ELP1: variants seen among roughly 807,000 people sequenced by gnomAD.
ELP1 encodes the protein elongator complex protein 1.
Under a neutral mutation model 183.2 loss-of-function variants are expected in ELP1, and 131 were observed. The observed-to-expected ratio is 0.72, with a 90% CI of 0.62 to 0.83. ELP1 has a LOEUF of 0.83. Among genes scored for constraint, ELP1 ranks in the 40% least tolerant of loss-of-function variants. The pLI, the probability that ELP1 is intolerant of heterozygous loss-of-function variation, is 0.00. For missense variants in ELP1, 1,550 were observed against 1,594.9 expected (o/e 0.97, Z 0.48); for synonymous variants, 555 against 569.0 (o/e 0.98, Z 0.35).
At chr9:108,928,224 C>T (rs989866040) in intron 3 of ELP1, among the ~76,000 whole-genome samples, 1 of 152,124 alleles carries the variant, frequency 6.6e-6, no homozygotes, top group Admixed American at 6.5e-5. Flanking sequence ...ACTCAACAAA[C>T]ATTTCTTCAG....
intron 18 of ELP1, 22 bp from the exon 19 acceptor site, chr9:108,900,397 A>C (rs1388806029): frequency 1.9e-6 from 3 of 1,546,252 alleles, no homozygotes; most frequent in Non-Finnish European, 2.7e-6. Flanking sequence ...ATTAACTAAT[A>C]AGCCTTAATT....
intron 2 of ELP1, among the ~76,000 whole-genome samples, chr9:108,930,641 C>T (rs1462146759): frequency 1.5e-5 from 2 of 134,162 alleles, no homozygotes; most frequent in African/African-American, 5.5e-5. Context: ...CAGTGAGCCA[C>T]GATCACACCA....
chr9:108,868,925 A>G lies in ELP1; in HGVS notation c.*190T>C. 3.1e-6 allele frequency: 2 copies of G among 643,176 alleles called. No homozygotes were observed. The highest frequency in any genetic ancestry group is 5.6e-6 in the Non-Finnish European group (2 of 355,768). 39.8% of individuals were successfully genotyped at this position (643,176 alleles called of 1,614,324 possible). ...AAAGCTTAATGTCTTGCTAATGATCAAGATGTATACACAACATAAAATAAA... is the reference window on the plus strand; with the variant it reads ...AAAGCTTAATGTCTTGCTAATGATCGAGATGTATACACAACATAAAATAAA... On this transcript the variant is annotated 3_prime_UTR_variant, in exon 37 of 37. Coordinates refer to ENST00000374647, the MANE Select transcript of ELP1 (RefSeq NM_003640.5).
chr9:108,874,287 T>TA (rs35351035), intron 36 of ELP1, among the ~76,000 whole-genome samples: 26,974 of 152,138 alleles, frequency 0.18, 3,052 homozygotes, highest in African/African-American at 0.32. Context: ...ACTCATCAAA[T>TA]GTTTCTAACC....
At position 108,927,534 on chromosome 9, in the gene ELP1, T is replaced by TA. The variant is rs879224397; in HGVS notation, c.304-82dup. The TA allele has an allele frequency of 2.6e-4, 295 of 1,115,688 alleles. 4 individuals carry two copies. The South Asian group carries it at 3.5e-3, about 13-fold the overall frequency. The allele number at this position is 1,115,688 out of a possible 1,614,324, so 69.1% of individuals were successfully genotyped here. On this transcript the variant is annotated intron_variant, in intron 3 of 36. Transcript: ENST00000374647. ...TGACTGCAACTTCAATCAAAACAAT[T>TA]AAAAAAACAAAACGAAAAGACATCA...
In ELP1 at chr9:108,867,807, C is replaced by T. The variant is rs913950140; in HGVS notation, c.*1308G>A. 2.0e-5 allele frequency: 3 copies of T among 152,212 alleles called. No individual in the cohort carries two copies. Among genetic ancestry groups the T allele is most frequent in the African/African-American group, 7.2e-5 (3 of 41,454 alleles). The allele number at this position is 152,212 out of a possible 1,614,324, so 9.4% of individuals were successfully genotyped here. On this transcript the variant is annotated 3_prime_UTR_variant, in exon 37 of 37. Transcript: ENST00000374647. Reference sequence around the variant, plus strand: ...AAACATACAGAAAAGTTGAATTTTACAGTGAATACTCCTAGATTGATTCTA... The same window carrying T: ...AAACATACAGAAAAGTTGAATTTTATAGTGAATACTCCTAGATTGATTCTA...
intron 5 of ELP1, among the ~76,000 whole-genome samples, chr9:108,925,910 A>G (rs530424117): frequency 1.3e-5 from 2 of 152,346 alleles, no homozygotes; most frequent in South Asian, 2.1e-4. Flanking sequence ...AGTTGTCTAA[A>G]TGATTTCTCA....
At position 108,929,924 on chromosome 9, in the gene ELP1, T is replaced by G. The variant is rs780224115; in HGVS notation, c.151-3A>C. ...ACCAAAGAAACTTCATTTTTCACCT[T>G]TCACCAAAGTAAACACAAGCAAATT... is the stretch of plus-strand genomic sequence containing the variant. On this transcript the variant is annotated splice_region_variant and splice_polypyrimidine_tract_variant and intron_variant, in intron 2 of 36. Transcript: ENST00000374647. 1.2e-5 allele frequency: 19 copies of G among 1,613,428 alleles called. No individual in the cohort carries two copies. Among genetic ancestry groups the G allele is most frequent in the Middle Eastern group, 3.6e-4 (2 of 5,520 alleles).
intron 28 of ELP1, among the ~76,000 whole-genome samples, chr9:108,890,344 C>T (rs191438910): frequency 8.5e-5 from 13 of 152,208 alleles, no homozygotes; most frequent in African/African-American, 2.9e-4. Context: ...AAAAAGAATA[C>T]TGCAAATGAC....
In ELP1 at chr9:108,917,646, A is replaced by G; in HGVS notation, c.765T>C (p.Ser255=). 4 of 1,613,922 alleles carry G rather than the reference A, an allele frequency of 2.5e-6. No individual in the cohort carries two copies. Reference sequence around the variant, plus strand: ...CCTGCTGGTTGGGTTTATCTTGTGTAGATGCAATCAAACTGCCTGAGGGTC... The same window carrying G: ...CCTGCTGGTTGGGTTTATCTTGTGTGGATGCAATCAAACTGCCTGAGGGTC... ...AWKPSGSLIA[S]TQDKPNQQDI... is the part of the protein sequence containing the mutation. Residue 255 remains serine, a synonymous_variant, in exon 9 of 37, where the codon TCT becomes TCC. Transcript: ENST00000374647.
In ELP1 at chr9:108,899,874, C is replaced by T. The variant is rs773965863; in HGVS notation, c.2152G>A (p.Val718Ile). 1.2e-6 allele frequency: 2 copies of T among 1,614,092 alleles called. No individual in the cohort carries two copies. Among genetic ancestry groups the T allele is most frequent in the East Asian group, 4.5e-5 (2 of 44,870 alleles). ...AAAACCAGGGCTCGATGATGAACAA[C>T]TTCTAAGTTTCCCCTTGGCATCTTA... ...VLQMPRGNLE[V>I]VHHRALVLAQ... Residue 718 changes from valine (V) to isoleucine (I), a missense_variant, in exon 20 of 37, where the codon GTT becomes ATT. Transcript: ENST00000374647.
At position 108,898,714 on chromosome 9, in the gene ELP1, T is replaced by A. The variant is rs777480840; in HGVS notation, c.2240A>T (p.Lys747Met). The A allele has an allele frequency of 6.2e-7, 1 of 1,612,908 alleles. No individual in the cohort carries two copies. The highest frequency in any genetic ancestry group is 8.5e-7 in the Non-Finnish European group (1 of 1,179,364). The change falls in exon 21 of 37, where the codon AAG becomes ATG. Residue 747 changes from lysine (K) to methionine (M), a missense_variant. Coordinates refer to ENST00000374647, the MANE Select transcript of ELP1 (RefSeq NM_003640.5). ...AATCAGATTGAGATTGATTCTCAGC[T>A]TTCTCATGCATTCAAATGCCTCTTT... ...MFKEAFECMRKLRINLNLIYD... is the reference protein window; with the variant it reads ...MFKEAFECMRMLRINLNLIYD...
At chr9:108,924,110 G>A (rs1424268176) in intron 5 of ELP1, among the ~76,000 whole-genome samples, 1 of 152,216 alleles carries the variant, frequency 6.6e-6, no homozygotes, top group African/African-American at 2.4e-5. Context: ...ACCAAGGAAT[G>A]AAGAAAGAGA....
intron 12 of ELP1, 145 bp downstream of exon 12, chr9:108,910,865 A>C: frequency 1.5e-6 from 1 of 683,748 alleles, no homozygotes; most frequent in Non-Finnish European, 2.6e-6. Context: ...AGGCAATTAA[A>C]TATCATAATG....
At chr9:108,905,364 G>T (rs937602104) in intron 14 of ELP1, among the ~76,000 whole-genome samples, 1 of 152,154 alleles carries the variant, frequency 6.6e-6, no homozygotes, top group African/African-American at 2.4e-5. Flanking sequence ...TCTGGGAACT[G>T]GCTAGAAAAT....
In ELP1 at chr9:108,912,266, C is replaced by G. The variant is rs1414061926; in HGVS notation, c.1187G>C (p.Gly396Ala). 1.2e-6 allele frequency: 2 copies of G among 1,613,378 alleles called. No individual in the cohort carries two copies. Among genetic ancestry groups the G allele is most frequent in the Admixed American group, 1.7e-5 (1 of 60,024 alleles). The change falls in exon 11 of 37, where the codon GGA becomes GCA. Residue 396 changes from glycine to alanine, a missense_variant and splice_region_variant. By Grantham distance (60) the Gly-to-Ala change is moderately conservative. Transcript: ENST00000374647. ...SDLSNVAVID[G>A]NRVLVTVFRQ... ...GGACACACTTCCCAGGAGCTTACTT[C>G]CATCAATGACAGCCACATTGGACAA...
intron 6 of ELP1, among the ~76,000 whole-genome samples, chr9:108,919,556 C>T (rs1829569380): frequency 6.6e-6 from 1 of 151,596 alleles, no homozygotes; most frequent in Admixed American, 6.6e-5. Flanking sequence ...AAACAAAATC[C>T]TCCTTTCGGC....
At chr9:108,908,884 C>G (rs1312182435) in intron 12 of ELP1, among the ~76,000 whole-genome samples, 1 of 152,178 alleles carries the variant, frequency 6.6e-6, no homozygotes, top group Non-Finnish European at 1.5e-5. Flanking sequence ...AGCAGATTCC[C>G]ATCACCACTC....
intron 12 of ELP1, 127 bp downstream of exon 12, chr9:108,910,883 T>C (rs984552012): frequency 1.4e-6 from 1 of 739,148 alleles, no homozygotes; most frequent in Non-Finnish European, 2.4e-6. Context: ...ATGATAATGA[T>C]ATCAACTGCA....
Sources: gnomAD v4.1 joint callset for allele counts (sites outside exome capture counted in the v4.1 genomes callset) on GRCh38, gnomAD v4.1.1 for gene constraint, MANE v1.5 for transcripts, NCBI Gene and HGNC (gene_info 2026-07-23, HGNC 2026-07-21) for gene names.